Variants in POF1B observed in about 807,000 individuals in gnomAD.
POF1B encodes the protein POF1B actin binding protein, also known as protein POF1B.
POF1B carries 53 observed loss-of-function variants against 55.3 expected under a neutral mutation model. That is an observed-to-expected ratio of 0.96 (90% CI 0.77 to 1.20). The LOEUF is 1.20. Among genes scored for constraint, POF1B ranks in the 50% most tolerant of loss-of-function variants. POF1B has a pLI of 0.00. For missense variants in POF1B, 478 were observed against 420.5 expected (o/e 1.14, Z -1.20); for synonymous variants, 188 against 148.3 (o/e 1.27, Z -1.95).
rs372329147 is a variant in POF1B, at chrX:85,321,336, C to A, written c.855-5602G>T. Among the ~76,000 whole-genome samples the A allele has an allele frequency of 2.2e-3, 246 of 110,471 alleles. 3 individuals carry two copies. The highest frequency in any genetic ancestry group is 7.8e-3 in the African/African-American group (235 of 30,171). ...ACAGCATATAAACAGAACCAAAGAC[C>A]AAAACCACATGATTATCTCAATAGA... On this transcript the variant is annotated intron_variant, in intron 7 of 16. Transcript: ENST00000262753.
intron 3 of POF1B, among the ~76,000 whole-genome samples, chrX:85,361,728 T>C (rs755663444): frequency 9.0e-6 from 1 of 111,658 alleles, no homozygotes; most frequent in Non-Finnish European, 1.9e-5. Flanking sequence ...TAAAATAGTT[T>C]TATTTCAAGT....
intron 15 of POF1B, 40 bp downstream of exon 15, chrX:85,303,366 C>T: frequency 1.1e-6 from 1 of 921,290 alleles, no homozygotes; most frequent in East Asian, 3.4e-5. Context: ...ATTATATGAT[C>T]ATAATTTTTA....
intron 7 of POF1B, among the ~76,000 whole-genome samples, chrX:85,317,472 C>A (rs1932797352): frequency 9.1e-6 from 1 of 109,779 alleles, no homozygotes; most frequent in African/African-American, 3.3e-5. Context: ...ACCATTCTGA[C>A]TGGTGTGAGA....
chrX:85,350,136 A>G (rs1415772540), intron 5 of POF1B, among the ~76,000 whole-genome samples: 2 of 109,415 alleles, frequency 1.8e-5, no homozygotes, highest in African/African-American at 3.3e-5. Flanking sequence ...GCACCCACTA[A>G]CTCGTCATTT....
chrX:85,345,954 C>A lies in POF1B; in HGVS notation c.629G>T (p.Ser210Ile), dbSNP rs1933260628. The change falls in exon 6 of 17, where the codon AGC (serine) becomes ATC (isoleucine). Residue 210 changes from serine to isoleucine, a missense_variant. Transcript: ENST00000262753. ...HSAHWQQPDS[S>I]QQIQAITGNN... ...TCCTGTGATGGCTTGGATTTGCTGGCTAGAATCAGGTTGTTGCCAGTGTGC... is the reference window on the plus strand; with the variant it reads ...TCCTGTGATGGCTTGGATTTGCTGGATAGAATCAGGTTGTTGCCAGTGTGC... 1 of 1,207,712 alleles carries A rather than the reference C, an allele frequency of 8.3e-7. No individual in the cohort carries two copies. The highest frequency in any genetic ancestry group is 2.2e-5 in the Admixed American group (1 of 45,652).
chrX:85,313,975 A>G (rs987426768), intron 9 of POF1B, among the ~76,000 whole-genome samples: 53 of 110,146 alleles, frequency 4.8e-4, no homozygotes, highest in Non-Finnish European at 7.6e-5. Flanking sequence ...TTTCTGGTTT[A>G]TTTGCGTAGA....
intron 5 of POF1B, 24 bp downstream of exon 5, chrX:85,351,326 G>A (rs778979622): frequency 1.9e-6 from 2 of 1,069,622 alleles, no homozygotes; most frequent in East Asian, 6.2e-5. Flanking sequence ...TTAAAAACAA[G>A]TTTTAAAACA....
chrX:85,315,382 A>G (rs960220035), intron 8 of POF1B, among the ~76,000 whole-genome samples: 2 of 111,228 alleles, frequency 1.8e-5, no homozygotes, highest in Admixed American at 9.6e-5. Context: ...TCAGTGAAAC[A>G]TCTCTTGTAC....
intron 15 of POF1B, among the ~76,000 whole-genome samples, chrX:85,296,333 G>T (rs1167275934): frequency 8.9e-6 from 1 of 112,180 alleles, no homozygotes; most frequent in African/African-American, 3.2e-5. Context: ...GTTTCATAGT[G>T]TCTGTGGGAT....
intron 5 of POF1B, among the ~76,000 whole-genome samples, chrX:85,349,081 C>T (rs1171702718): frequency 9.0e-6 from 1 of 111,147 alleles, no homozygotes; most frequent in African/African-American, 3.3e-5. Context: ...TATTCTGCTG[C>T]TCCTCTGTAA....
rs1384395036 is a variant in POF1B at position 85,277,803 on chromosome X, C to G, written c.*1618G>C. The G allele has an allele frequency of 9.0e-6, 1 of 110,915 alleles. No homozygotes were observed. Among genetic ancestry groups the G allele is most frequent in the Non-Finnish European group, 1.9e-5 (1 of 52,581 alleles). The allele number at this position is 110,915 out of a possible 1,213,427, so 9.1% of individuals were successfully genotyped here. On this transcript the variant is annotated 3_prime_UTR_variant, in exon 17 of 17. Transcript: ENST00000262753. ...ATTTTGGAAAACTCACACCTGTTCT[C>G]ATTTTTAAACCTTAATAATAACAAT...
chrX:85,323,047 G>A (rs1433051190), intron 7 of POF1B, among the ~76,000 whole-genome samples: 2 of 110,537 alleles, frequency 1.8e-5, no homozygotes, highest in South Asian at 3.9e-4. Context: ...CGATTCCTCC[G>A]GGATCTAGAA....
At chrX:85,310,956 A>G (rs1932683403) in intron 9 of POF1B, among the ~76,000 whole-genome samples, 2 of 112,088 alleles carry the variant, frequency 1.8e-5, no homozygotes, top group African/African-American at 6.5e-5. Flanking sequence ...CTAAAAGAAA[A>G]TAATTGTCAA....
At chrX:85,296,120 G>A (rs1932302775) in intron 15 of POF1B, among the ~76,000 whole-genome samples, 1 of 112,103 alleles carries the variant, frequency 8.9e-6, no homozygotes, top group South Asian at 3.7e-4. Flanking sequence ...CTTTGAGTCT[G>A]TGGGTGTCAC....
At chrX:85,375,672 CA>C (rs1005326025) in intron 2 of POF1B, among the ~76,000 whole-genome samples, 1 of 111,434 alleles carries the variant, frequency 9.0e-6, no homozygotes, top group African/African-American at 3.3e-5. Context: ...CACCCCTCCC[CA>C]CAGAACGGGA....
chrX:85,344,174 C>G (rs1390712121), intron 6 of POF1B, among the ~76,000 whole-genome samples: 1 of 111,061 alleles, frequency 9.0e-6, no homozygotes, highest in Non-Finnish European at 1.9e-5. Context: ...ATCATATTAA[C>G]ACTACACCAT....
At chrX:85,312,489 G>A (rs547696955) in intron 9 of POF1B, among the ~76,000 whole-genome samples, 30 of 111,222 alleles carry the variant, frequency 2.7e-4, no homozygotes, top group Non-Finnish European at 5.1e-4. Flanking sequence ...AGTTGTAAAT[G>A]TGTGGCATTA....
chrX:85,328,072 C>T (rs1476991239), intron 7 of POF1B, among the ~76,000 whole-genome samples: 3 of 110,707 alleles, frequency 2.7e-5, no homozygotes, highest in East Asian at 2.8e-4. Context: ...GAAAGGTCAG[C>T]GTGGAGTATA....
chrX:85,336,624 C>T (rs1278861160), intron 6 of POF1B, among the ~76,000 whole-genome samples: 1 of 111,333 alleles, frequency 9.0e-6, no homozygotes, highest in East Asian at 2.8e-4. Context: ...GAAATCTCTA[C>T]TCAGATATTT....
Sources: allele counts gnomAD v4.1 joint callset (sites outside exome capture counted in the v4.1 genomes callset), GRCh38; gene constraint gnomAD v4.1.1; transcripts MANE v1.5; gene names NCBI Gene and HGNC (gene_info 2026-07-23, HGNC 2026-07-21).